The following ABITRAM variants were observed in gnomAD, a reference collection of about 807,000 sequenced individuals.
ABITRAM encodes the protein protein Abitram.
In ABITRAM, 19 loss-of-function variants were observed where a neutral mutation model predicts 22.9. The ratio of observed to expected loss-of-function variants is 0.83; its 90% CI spans 0.58 to 1.22. The LOEUF (loss-of-function observed/expected upper bound fraction) is 1.22. Ranked by LOEUF, ABITRAM falls within the 50% of genes most tolerant of loss-of-function variation. The pLI, the probability that ABITRAM is intolerant of heterozygous loss-of-function variation, is 0.00. For missense variants in ABITRAM, 215 were observed against 220.2 expected (o/e 0.98, Z 0.15); for synonymous variants, 70 against 73.9 (o/e 0.95, Z 0.27).
downstream of ABITRAM, among the ~76,000 whole-genome samples, chr9:108,944,325 G>T (rs1183048244): frequency 6.6e-6 from 1 of 152,144 alleles, no homozygotes; most frequent in Non-Finnish European, 1.5e-5. Flanking sequence ...TCTAGATTAC[G>T]CAAGGGACCT....
downstream of ABITRAM, chr9:108,943,675 G>A (rs746799511): frequency 3.8e-6 from 6 of 1,582,522 alleles, no homozygotes; most frequent in Non-Finnish European, 5.2e-6. Flanking sequence ...AGATAGATGT[G>A]TGAAAGTTTT....
At chr9:108,936,830 A>C (rs1830194324) in intron 3 of ABITRAM, among the ~76,000 whole-genome samples, 1 of 152,136 alleles carries the variant, frequency 6.6e-6, no homozygotes, top group Admixed American at 6.5e-5. Context: ...CATGTAAATT[A>C]AACAGAAAAA....
chr9:108,942,910 C>T, downstream of ABITRAM: 1 of 1,608,442 alleles, frequency 6.2e-7, no homozygotes, highest in Non-Finnish European at 8.5e-7. Flanking sequence ...TAACTATTTT[C>T]TTTTAAACCA....
At chr9:108,938,068 C>T (rs1440947259) in intron 3 of ABITRAM, among the ~76,000 whole-genome samples, 2 of 151,902 alleles carry the variant, frequency 1.3e-5, no homozygotes, top group Admixed American at 6.6e-5. Context: ...ATATTGAACC[C>T]ACTACAGTAA....
chr9:108,936,210 TA>T, intron 2 of ABITRAM, 97 bp from the exon 3 acceptor site: 1 of 1,380,970 alleles, frequency 7.2e-7, no homozygotes, highest in Non-Finnish European at 9.9e-7. Flanking sequence ...ATAGTTTGAC[TA>T]AACAAATACC....
At chr9:108,938,697 G>A (rs866887249) in intron 3 of ABITRAM, among the ~76,000 whole-genome samples, 2 of 145,312 alleles carry the variant, frequency 1.4e-5, no homozygotes, top group African/African-American at 2.5e-5. Context: ...CAAAGGGGGG[G>A]GGGGGAAAGA....
At chr9:108,943,077 T>A (rs760319044), downstream of ABITRAM, 1 of 1,559,394 alleles carries the variant, frequency 6.4e-7, no homozygotes, top group East Asian at 2.2e-5. Flanking sequence ...AATGATATTC[T>A]AAAAGTAGTA....
intron 1 of ABITRAM, among the ~76,000 whole-genome samples, chr9:108,935,348 T>G (rs1251508147): frequency 2.0e-5 from 3 of 152,226 alleles, no homozygotes; most frequent in Admixed American, 6.5e-5. Flanking sequence ...AATTGCATTT[T>G]CCTAGCAAAA....
At position 108,940,287 on chromosome 9, in the gene ABITRAM, A is replaced by C. The variant is rs1192909208; in HGVS notation, c.*601A>C. The C allele has an allele frequency of 6.6e-6, 1 of 152,152 alleles. No homozygotes were observed. Among genetic ancestry groups the C allele is most frequent in the East Asian group, 1.9e-4 (1 of 5,184 alleles). 9.4% of individuals were successfully genotyped at this position (152,152 alleles called of 1,614,324 possible). On this transcript the variant is annotated 3_prime_UTR_variant, in exon 6 of 6. Coordinates refer to ENST00000322940, the MANE Select transcript of ABITRAM (RefSeq NM_017832.4). ...TTCCTGGAACCAATCCCCTATGTAA[A>C]CCAAGGGATAACTACTACATTTTAA...
At chr9:108,948,729 C>T (rs2132085672) in intron 3 of ABITRAM, among the ~76,000 whole-genome samples, 1 of 152,268 alleles carries the variant, frequency 6.6e-6, no homozygotes, top group African/African-American at 2.4e-5. Flanking sequence ...AATACTTGTG[C>T]TACCACTCTC....
intron 3 of ABITRAM, among the ~76,000 whole-genome samples, chr9:108,937,146 C>G (rs1057183477): frequency 3.3e-5 from 5 of 152,226 alleles, no homozygotes; most frequent in Non-Finnish European, 5.9e-5. Flanking sequence ...AGCGGCAGAG[C>G]AAGACCAAGA....
At chr9:108,944,737 C>T (rs1318453231), downstream of ABITRAM, among the ~76,000 whole-genome samples, 4 of 152,046 alleles carry the variant, frequency 2.6e-5, no homozygotes, top group African/African-American at 9.7e-5. Context: ...ATGGAGAGAA[C>T]AGGGAAAATC....
chr9:108,935,646 G>A lies in ABITRAM; in HGVS notation c.88G>A (p.Gly30Arg). ...FTRWYKPDVKGKFCEDHCILQ... is the reference protein window; with the variant it reads ...FTRWYKPDVKRKFCEDHCILQ... ...CTCATGTATTCTTCTAGATGTCAAA[G>A]GAAAATTTTGTGAGGACCACTGTAT... Residue 30 changes from glycine to arginine, a missense_variant, in exon 2 of 6, where the codon GGA (glycine) becomes AGA (arginine). Gly to Arg is a moderately radical substitution (Grantham distance 125). Transcript: ENST00000322940. The A allele has an allele frequency of 6.2e-7, 1 of 1,613,056 alleles. No individual in the cohort carries two copies.
At chr9:108,942,734 A>G, downstream of ABITRAM, 7 of 1,279,980 alleles carry the variant, frequency 5.5e-6, no homozygotes, top group Non-Finnish European at 7.9e-6. Flanking sequence ...CAGCTTCATC[A>G]CATGATGTTC....
chr9:108,943,772 C>T (rs749912261), downstream of ABITRAM: 1 of 1,613,838 alleles, frequency 6.2e-7, no homozygotes, highest in African/African-American at 1.3e-5. Context: ...GAGGAATTAG[C>T]TTGTTTATTT....
chr9:108,938,459 C>A (rs62575184), intron 3 of ABITRAM, among the ~76,000 whole-genome samples: 8,177 of 152,218 alleles, frequency 0.054, 334 homozygotes, highest in South Asian at 0.13. Context: ...CCTGTAGATA[C>A]TTGTGAGAGC....
chr9:108,936,546 A>G, intron 3 of ABITRAM, 109 bp downstream of exon 3: 2 of 1,258,496 alleles, frequency 1.6e-6, no homozygotes, highest in Admixed American at 4.6e-5. Flanking sequence ...ATACTTCTCT[A>G]GCAGTTTGAG....
downstream of ABITRAM, chr9:108,942,540 A>G: frequency 1.5e-5 from 8 of 542,206 alleles, no homozygotes; most frequent in Non-Finnish European, 2.3e-5. Context: ...ACATTAGTGC[A>G]ATGTTCTATT....
intron 3 of ABITRAM, among the ~76,000 whole-genome samples, chr9:108,936,809 A>G (rs1410190577): frequency 6.6e-6 from 1 of 152,040 alleles, no homozygotes; most frequent in Non-Finnish European, 1.5e-5. Context: ...CTTCTTTACC[A>G]TATATTTCCA....
Sources: allele counts gnomAD v4.1 joint callset (sites outside exome capture counted in the v4.1 genomes callset), GRCh38; gene constraint gnomAD v4.1.1; transcripts MANE v1.5; gene names NCBI Gene and HGNC (gene_info 2026-07-23, HGNC 2026-07-21).